CSTF3: variants seen among roughly 807,000 people sequenced by gnomAD.
The protein encoded by CSTF3 is CF-1 77 kDa subunit.
A neutral mutation model predicts 105.8 loss-of-function variants in CSTF3; 29 were observed. The observed-to-expected ratio is 0.27, with a 90% CI of 0.20 to 0.37. The LOEUF (loss-of-function observed/expected upper bound fraction) is 0.37, where lower values mean the gene tolerates loss of function less well. Ranked by LOEUF, CSTF3 falls within the 10% of genes least tolerant of loss-of-function variation. CSTF3 has a pLI of 1.00. For synonymous variants in CSTF3, 252 were observed against 281.9 expected (o/e 0.89, Z 1.06); for missense variants, 357 against 879.3 (o/e 0.41, Z 7.51).
chr11:33,126,693 A>G (rs1004632228), intron 3 of CSTF3, among the ~76,000 whole-genome samples: 1 of 152,194 alleles, frequency 6.6e-6, no homozygotes, highest in Non-Finnish European at 1.5e-5. Flanking sequence ...AACTCATTTT[A>G]CTTTTTTTGA....
At chr11:33,142,950 G>T (rs1000473666) in intron 1 of CSTF3, among the ~76,000 whole-genome samples, 1 of 152,120 alleles carries the variant, frequency 6.6e-6, no homozygotes, top group African/African-American at 2.4e-5. Context: ...TAATGTCTTA[G>T]ATTTATTATG....
chr11:33,149,635 G>C (rs1281811358), intron 1 of CSTF3, among the ~76,000 whole-genome samples: 1 of 152,206 alleles, frequency 6.6e-6, no homozygotes, highest in East Asian at 1.9e-4. Flanking sequence ...GTGGCTCCCA[G>C]TACTTTGGAA....
chr11:33,096,348 CT>C lies in CSTF3; in HGVS notation c.1332del (p.Glu445SerfsTer27). On this transcript the variant is annotated frameshift_variant, in exon 15 of 21. Transcript: ENST00000323959. LOFTEE classifies it high-confidence loss of function. ...ELGLKKYGDI[P>X]EYVLAYIDYL... is the part of the protein sequence containing the mutation. Reference sequence around the variant, plus strand: ...TAGTCAATATAGGCCAGGACATACTCTGGAATGTCTCCATATTTTTTTAGCC... The same window carrying C: ...TAGTCAATATAGGCCAGGACATACTCGGAATGTCTCCATATTTTTTTAGCC... 1 of 1,600,688 alleles carries C rather than the reference CT, an allele frequency of 6.2e-7. No individual in the cohort carries two copies. The highest frequency in any genetic ancestry group is 8.5e-7 in the Non-Finnish European group (1 of 1,177,322).
intron 1 of CSTF3, among the ~76,000 whole-genome samples, chr11:33,152,912 C>T (rs1009993703): frequency 4.0e-5 from 6 of 151,268 alleles, no homozygotes; most frequent in African/African-American, 1.2e-4. Context: ...GAGCTGGGAT[C>T]GCACCACTGC....
In CSTF3 at chr11:33,106,051, G is replaced by C. The variant is rs1311277773; in HGVS notation, c.370C>G (p.Gln124Glu). The stretch of plus-strand genomic sequence containing the variant: ...TTATCCAGTGCAAAGTCATATGCTT[G>C]AGCCATTTTTTCTCTGAAATGAACA... ...KLPSYKEKMA[Q>E]AYDFALDKIG... The change falls in exon 6 of 21, where the codon CAA becomes GAA. Residue 124 changes from glutamine (Q) to glutamate (E), a missense_variant. Gln to Glu is a conservative substitution (Grantham distance 29). Coordinates refer to ENST00000323959, the MANE Select transcript of CSTF3 (RefSeq NM_001326.3). The C allele has an allele frequency of 1.9e-6, 3 of 1,612,362 alleles. No homozygotes were observed. The highest frequency in any genetic ancestry group is 2.5e-6 in the Non-Finnish European group (3 of 1,179,014).
intron 1 of CSTF3, among the ~76,000 whole-genome samples, chr11:33,152,841 C>T (rs1387126596): frequency 6.6e-6 from 1 of 151,894 alleles, no homozygotes; most frequent in African/African-American, 2.4e-5. Flanking sequence ...GCCTGTAGTC[C>T]TAGCTACTTG....
chr11:33,085,576 G>T, intron 20 of CSTF3, 137 bp downstream of exon 20: 2 of 749,678 alleles, frequency 2.7e-6, no homozygotes, highest in South Asian at 1.8e-5. Context: ...AAGAGGGTTT[G>T]GGTAACTCCT....
intron 10 of CSTF3, 134 bp downstream of exon 10, chr11:33,102,041 TAG>T: frequency 1.7e-6 from 1 of 596,772 alleles, no homozygotes; most frequent in South Asian, 2.9e-5. Flanking sequence ...AATATGGAGA[TAG>T]ATCTATAGGA....
At chr11:33,116,004 C>T (rs1855427164) in intron 3 of CSTF3, among the ~76,000 whole-genome samples, 1 of 152,124 alleles carries the variant, frequency 6.6e-6, no homozygotes, top group Non-Finnish European at 1.5e-5. Context: ...CTCTACATGT[C>T]CTATAAACTT....
chr11:33,095,793 G>A (rs2074512136), intron 15 of CSTF3, among the ~76,000 whole-genome samples: 1 of 147,426 alleles, frequency 6.8e-6, no homozygotes, highest in Non-Finnish European at 1.5e-5. Context: ...CTGCACTCCA[G>A]CCTGGGCGAC....
chr11:33,121,603 G>T (rs948084350), intron 3 of CSTF3, among the ~76,000 whole-genome samples: 16 of 152,266 alleles, frequency 1.1e-4, no homozygotes, highest in Admixed American at 3.3e-4. Context: ...CTGCCATGAA[G>T]GCTTTAGTAG....
chr11:33,102,055 T>G (rs1457380885), intron 10 of CSTF3, 122 bp downstream of exon 10: 5 of 665,544 alleles, frequency 7.5e-6, no homozygotes, highest in Non-Finnish European at 1.3e-5. Context: ...TCTATAGGAA[T>G]TATTGAATCT....
intron 3 of CSTF3, among the ~76,000 whole-genome samples, chr11:33,124,138 A>G (rs566707880): frequency 2.0e-5 from 3 of 152,128 alleles, no homozygotes; most frequent in African/African-American, 7.2e-5. Context: ...ACATTTTTTA[A>G]TGTAAAGGAT....
intron 1 of CSTF3, among the ~76,000 whole-genome samples, chr11:33,159,748 G>A (rs1038180099): frequency 6.6e-6 from 1 of 152,076 alleles, no homozygotes; most frequent in African/African-American, 2.4e-5. Flanking sequence ...ACTCTAGTGT[G>A]AGTGACAAAG....
At chr11:33,098,659 G>A (rs1185150469) in intron 13 of CSTF3, 31 bp downstream of exon 13, 1 of 1,355,566 alleles carries the variant, frequency 7.4e-7, no homozygotes, top group Non-Finnish European at 1.0e-6. Flanking sequence ...AGACTGTAAA[G>A]GTGGAAAAAA....
At chr11:33,137,458 G>A (rs1371621735) in intron 3 of CSTF3, among the ~76,000 whole-genome samples, 3 of 151,768 alleles carry the variant, frequency 2.0e-5, no homozygotes, top group African/African-American at 7.2e-5. Context: ...AGAATGGATA[G>A]GGAAAAGGGA....
intron 3 of CSTF3, among the ~76,000 whole-genome samples, chr11:33,136,770 G>A (rs925186386): frequency 4.6e-5 from 7 of 151,884 alleles, no homozygotes; most frequent in African/African-American, 1.7e-4. Flanking sequence ...TGGATGCTAC[G>A]TTGCAGCGTA....
chr11:33,113,099 C>T (rs1004174725), intron 3 of CSTF3, among the ~76,000 whole-genome samples: 1 of 151,774 alleles, frequency 6.6e-6, no homozygotes, highest in South Asian at 2.1e-4. Context: ...CCCAGCTACT[C>T]GGGAGGCTGA....
At chr11:33,120,974 G>A (rs1855480901) in intron 3 of CSTF3, among the ~76,000 whole-genome samples, 1 of 151,936 alleles carries the variant, frequency 6.6e-6, no homozygotes, top group South Asian at 2.1e-4. Flanking sequence ...TAAAATGGAG[G>A]AATAATTGAA....
Sources: allele counts gnomAD v4.1 joint callset (sites outside exome capture counted in the v4.1 genomes callset), GRCh38; gene constraint gnomAD v4.1.1; transcripts MANE v1.5; gene names NCBI Gene and HGNC (gene_info 2026-07-23, HGNC 2026-07-21).